The following MTUS1 variants were observed in gnomAD, a reference collection of about 807,000 sequenced individuals.
MTUS1 encodes microtubule associated scaffold protein 1, also known as microtubule-associated tumor suppressor 1.
A neutral mutation model predicts 120.8 loss-of-function variants in MTUS1; 109 were observed. The ratio of observed to expected loss-of-function variants is 0.90; its 90% CI spans 0.77 to 1.06. MTUS1 has a LOEUF of 1.06. MTUS1 is among the 50% of genes least tolerant of loss of function. MTUS1 has a pLI of 0.00. For synonymous variants in MTUS1, 737 were observed against 550.5 expected (o/e 1.34, Z -4.74); for missense variants, 2,210 against 1,486.3 (o/e 1.49, Z -8.01).
chr8:17,743,768 C>T lies in MTUS1; in HGVS notation c.2123G>A (p.Gly708Asp). The T allele has an allele frequency of 6.2e-7, 1 of 1,613,994 alleles. No homozygotes were observed. Among genetic ancestry groups the T allele is most frequent in the Non-Finnish European group, 8.5e-7 (1 of 1,179,976 alleles). ...GSASKTTTTSGRNISKPDSCG... is the reference protein window; with the variant it reads ...GSASKTTTTSDRNISKPDSCG... ...GGAGTCAGGCTTGGATATATTCCTA[C>T]CTGAGGTGGTCGTTGTTTTTGAAGC... is the stretch of plus-strand genomic sequence containing the variant. The change falls in exon 3 of 15, where the codon GGT becomes GAT. Residue 708 changes from glycine (G) to aspartate (D), a missense_variant. Gly to Asp is a moderately conservative substitution (Grantham distance 94, BLOSUM62 -1). Coordinates refer to ENST00000693296, the MANE Select transcript of MTUS1 (RefSeq NM_001363059.2).
At chr8:17,721,028 G>A (rs1274510572) in intron 4 of MTUS1, among the ~76,000 whole-genome samples, 2 of 152,084 alleles carry the variant, frequency 1.3e-5, no homozygotes, top group East Asian at 1.9e-4. Flanking sequence ...CCAAAGTTCC[G>A]AGAACCCAGT....
intron 6 of MTUS1, among the ~76,000 whole-genome samples, chr8:17,702,206 G>A (rs146225960): frequency 0.011 from 1,687 of 152,322 alleles, 35 homozygotes; most frequent in African/African-American, 0.038. Flanking sequence ...CCAAGGAGCT[G>A]TACATATGAG....
intron 3 of MTUS1, among the ~76,000 whole-genome samples, chr8:17,742,239 G>A (rs1234860346): frequency 1.3e-5 from 2 of 150,078 alleles, no homozygotes; most frequent in African/African-American, 4.9e-5. Flanking sequence ...GCCCCTACAA[G>A]GGCACACCAT....
chr8:17,732,005 G>A (rs1168904370), intron 3 of MTUS1, among the ~76,000 whole-genome samples: 1 of 152,198 alleles, frequency 6.6e-6, no homozygotes, highest in South Asian at 2.1e-4. Context: ...AGGGCGAAGG[G>A]GGAGCTGCTG....
chr8:17,742,307 T>TTTTTTTTTTTTG, intron 3 of MTUS1, among the ~76,000 whole-genome samples: 1 of 144,510 alleles, frequency 6.9e-6, no homozygotes, highest in East Asian at 2.0e-4. Flanking sequence ...TTTTTTTTTT[T>TTTTTTTTTTTTG]TTTTAGAGAT....
intron 6 of MTUS1, among the ~76,000 whole-genome samples, chr8:17,684,821 C>G (rs144381416): frequency 3.3e-3 from 503 of 152,230 alleles, no homozygotes; most frequent in Middle Eastern, 6.8e-3. Context: ...AACACAAAAA[C>G]TGGGTGCAAA....
chr8:17,764,091 A>T (rs751848462), intron 1 of MTUS1, among the ~76,000 whole-genome samples: 1 of 152,228 alleles, frequency 6.6e-6, no homozygotes, highest in African/African-American at 2.4e-5. Flanking sequence ...TTTGGTGGGG[A>T]AAGAACAGTG....
At position 17,715,937 on chromosome 8, in the gene MTUS1, G is replaced by A. The variant is rs368972467; in HGVS notation, c.2450-36C>T. 4 of 1,587,086 alleles carry A rather than the reference G, an allele frequency of 2.5e-6. No individual in the cohort carries two copies. The African/African-American group carries it at 5.4e-5, about 22-fold the overall frequency. On this transcript the variant is annotated intron_variant, in intron 4 of 14. Coordinates refer to ENST00000693296, the MANE Select transcript of MTUS1 (RefSeq NM_001363059.2). ...ACAGAAAAGTACATTTTATTGTATAGATAAACACAGTTTCGACCTTCCACA... is the reference window on the plus strand; with the variant it reads ...ACAGAAAAGTACATTTTATTGTATAAATAAACACAGTTTCGACCTTCCACA...
intron 3 of MTUS1, among the ~76,000 whole-genome samples, chr8:17,739,833 C>G (rs2047182459): frequency 6.6e-6 from 1 of 152,198 alleles, no homozygotes. Context: ...ATTTTCATCA[C>G]TATCTCATCT....
chr8:17,746,743 C>T (rs539426036), intron 2 of MTUS1, among the ~76,000 whole-genome samples: 3 of 152,168 alleles, frequency 2.0e-5, no homozygotes, highest in African/African-American at 7.2e-5. Context: ...ACATATAGCC[C>T]GTATAGAATA....
At chr8:17,774,971 TAAAA>T (rs76567642) in intron 1 of MTUS1, among the ~76,000 whole-genome samples, 7 of 96,980 alleles carry the variant, frequency 7.2e-5, no homozygotes, top group African/African-American at 2.4e-4. Context: ...ATATTATAAG[TAAAA>T]AAAAAAAAAA....
chr8:17,714,239 C>T (rs1472758133), intron 5 of MTUS1, among the ~76,000 whole-genome samples: 1 of 152,106 alleles, frequency 6.6e-6, no homozygotes, highest in Non-Finnish European at 1.5e-5. Context: ...AAATTCATGC[C>T]TATTTTCTCT....
At chr8:17,657,306 C>T (rs1041054706) in intron 8 of MTUS1, among the ~76,000 whole-genome samples, 1 of 151,728 alleles carries the variant, frequency 6.6e-6, no homozygotes, top group Non-Finnish European at 1.5e-5. Flanking sequence ...CGGTGGCTCA[C>T]GCCTGTAATC....
chr8:17,791,883 C>A (rs1453481146), intron 1 of MTUS1, among the ~76,000 whole-genome samples: 1 of 152,154 alleles, frequency 6.6e-6, no homozygotes, highest in Non-Finnish European at 1.5e-5. Flanking sequence ...GTTATTAGCA[C>A]CCATTGATCA....
chr8:17,653,258 A>C lies in MTUS1; in HGVS notation c.3312T>G (p.Ser1104Arg). 1 of 1,558,518 alleles carries C rather than the reference A, an allele frequency of 6.4e-7. No homozygotes were observed. The part of the protein sequence containing the change: ...SLEKQINDLK[S>R]ENDALNEKLK... The stretch of plus-strand genomic sequence containing the variant: ...ATTTTTCATTTAAAGCATCATTTTC[A>C]CTCTTCAGATCATTGATTTGCTTCT... The change falls in exon 12 of 15, where the codon AGT becomes AGG. Residue 1104 changes from serine (S) to arginine (R), a missense_variant. Ser to Arg is a moderately radical substitution (Grantham distance 110). Coordinates refer to ENST00000693296, the MANE Select transcript of MTUS1 (RefSeq NM_001363059.2).
intron 8 of MTUS1, among the ~76,000 whole-genome samples, chr8:17,670,025 C>T (rs1811694147): frequency 6.6e-6 from 1 of 152,182 alleles, no homozygotes; most frequent in Admixed American, 6.5e-5. Flanking sequence ...AGCCAGAATG[C>T]TGAGCAGGGA....
rs771437087 is a variant in MTUS1 at position 17,753,893 on chromosome 8, C to G, written c.1915G>C (p.Gly639Arg). The G allele has an allele frequency of 6.2e-7, 1 of 1,614,038 alleles. No individual in the cohort carries two copies. The highest frequency in any genetic ancestry group is 1.3e-5 in the African/African-American group (1 of 74,984). ...SVSALFQKIK[G>R]ILPVKMESAE... ...CTTTCCATTTTAACAGGGAGTATGC[C>G]TTTGATCTTCTGAAACAACGCAGAA... Residue 639 changes from glycine (G) to arginine (R), a missense_variant, in exon 2 of 15, where the codon GGC (glycine) becomes CGC (arginine). By Grantham distance (125) the Gly-to-Arg change is moderately radical. Coordinates refer to ENST00000693296, the MANE Select transcript of MTUS1 (RefSeq NM_001363059.2).
chr8:17,686,755 C>T (rs754394659), intron 6 of MTUS1, among the ~76,000 whole-genome samples: 2 of 151,862 alleles, frequency 1.3e-5, no homozygotes, highest in African/African-American at 2.4e-5. Flanking sequence ...CTTATAAATC[C>T]GTAACAAAAA....
chr8:17,736,914 A>G (rs138011804), intron 3 of MTUS1, among the ~76,000 whole-genome samples: 74 of 152,064 alleles, frequency 4.9e-4, no homozygotes, highest in African/African-American at 1.7e-3. Flanking sequence ...ATTCATCATC[A>G]TGAATCCAAA....
Sources: gnomAD v4.1 joint callset for allele counts (sites outside exome capture counted in the v4.1 genomes callset) on GRCh38, gnomAD v4.1.1 for gene constraint, MANE v1.5 for transcripts, NCBI Gene and HGNC (gene_info 2026-07-23, HGNC 2026-07-21) for gene names.